Variants in CFAP47 observed in about 807,000 individuals in gnomAD.
The protein encoded by CFAP47 is cilia- and flagella-associated protein 47.
In CFAP47, 29 loss-of-function variants were observed where a neutral mutation model predicts 148.1. The ratio of observed to expected loss-of-function variants is 0.20; its 90% CI spans 0.15 to 0.27. The LOEUF (loss-of-function observed/expected upper bound fraction) is 0.27, where lower values mean the gene tolerates loss of function less well. Among genes scored for constraint, CFAP47 ranks in the 10% least tolerant of loss-of-function variants. CFAP47 has a pLI of 1.00. For missense variants in CFAP47, 1,872 were observed against 1,697.5 expected (o/e 1.10, Z -1.81); for synonymous variants, 664 against 577.3 (o/e 1.15, Z -2.15).
chrX:35,997,031 G>A (rs1936855475), intron 18 of CFAP47, among the ~76,000 whole-genome samples: 1 of 111,376 alleles, frequency 9.0e-6, no homozygotes, highest in African/African-American at 3.3e-5. Context: ...TGCAAGGAGT[G>A]GCAATAAAGT....
intron 61 of CFAP47, among the ~76,000 whole-genome samples, chrX:36,362,232 C>A (rs1314620583): frequency 1.8e-5 from 2 of 112,117 alleles, no homozygotes; most frequent in African/African-American, 6.5e-5. Context: ...GTTTTAGATA[C>A]AGGAAGTATA....
intron 57 of CFAP47, among the ~76,000 whole-genome samples, chrX:36,329,804 A>T (rs782042382): frequency 5.3e-4 from 59 of 111,505 alleles, no homozygotes; most frequent in Admixed American, 4.8e-4. Context: ...AACAAGGAGG[A>T]TATCAAAACT....
intron 56 of CFAP47, among the ~76,000 whole-genome samples, chrX:36,315,997 T>C (rs1941430489): frequency 9.0e-6 from 1 of 111,548 alleles, no homozygotes; most frequent in Admixed American, 9.6e-5. Flanking sequence ...TAAAATTGAT[T>C]AATGGAGAGG....
At chrX:36,261,853 C>T (rs1319557958) in intron 49 of CFAP47, among the ~76,000 whole-genome samples, 13 of 111,467 alleles carry the variant, frequency 1.2e-4, no homozygotes, top group East Asian at 2.9e-4. Flanking sequence ...ACCTCCCAGA[C>T]GGGGTGGTGG....
intron 39 of CFAP47, among the ~76,000 whole-genome samples, chrX:36,176,581 G>A (rs757644477): frequency 9.8e-5 from 11 of 111,984 alleles, no homozygotes; most frequent in Non-Finnish European, 1.9e-4. Flanking sequence ...TTAGAATCAC[G>A]TTGTTCTAGG....
intron 39 of CFAP47, among the ~76,000 whole-genome samples, chrX:36,161,102 T>C (rs1939425248): frequency 9.0e-6 from 1 of 111,038 alleles, no homozygotes. Flanking sequence ...CGCCTTGGTC[T>C]CCCAAAGTTC....
chrX:36,170,157 G>A (rs1227092152), intron 39 of CFAP47, among the ~76,000 whole-genome samples: 1 of 111,411 alleles, frequency 9.0e-6, no homozygotes, highest in African/African-American at 3.3e-5. Flanking sequence ...GTTTTTCTTG[G>A]ATAAACACTA....
At chrX:36,300,511 G>A (rs894520426) in intron 52 of CFAP47, among the ~76,000 whole-genome samples, 5 of 110,738 alleles carry the variant, frequency 4.5e-5, no homozygotes, top group Non-Finnish European at 9.5e-5. Context: ...GGCTGGTCTC[G>A]AACTCCTGAC....
intron 57 of CFAP47, among the ~76,000 whole-genome samples, chrX:36,345,224 A>C (rs188188078): frequency 2.5e-4 from 28 of 111,682 alleles, no homozygotes; most frequent in African/African-American, 8.4e-4. Flanking sequence ...ATTCATAAAA[A>C]CAAAGTTGAA....
At chrX:36,065,575 C>T (rs975649905) in intron 26 of CFAP47, 68 bp from the exon 27 acceptor site, 1 of 591,890 alleles carries the variant, frequency 1.7e-6, no homozygotes, top group Admixed American at 3.2e-5. Flanking sequence ...ATCTGGGATA[C>T]TTAAATGCAT....
intron 15 of CFAP47, among the ~76,000 whole-genome samples, chrX:35,984,686 T>A (rs1209651344): frequency 8.9e-6 from 1 of 112,118 alleles, no homozygotes; most frequent in Non-Finnish European, 1.9e-5. Context: ...AATTTTTGAT[T>A]TCTCCTTAAT....
intron 57 of CFAP47, among the ~76,000 whole-genome samples, chrX:36,344,014 G>C (rs1210233497): frequency 9.7e-6 from 1 of 102,735 alleles, no homozygotes; most frequent in Non-Finnish European, 2.0e-5. Context: ...TCTTAATCCA[G>C]TCTATCATTG....
intron 57 of CFAP47, among the ~76,000 whole-genome samples, chrX:36,332,142 A>G (rs1941569499): frequency 8.9e-6 from 1 of 112,026 alleles, no homozygotes; most frequent in Non-Finnish European, 1.9e-5. Flanking sequence ...TAATTAAAAT[A>G]TTTGATTACT....
At chrX:36,049,948 C>T (rs1937511393) in intron 26 of CFAP47, among the ~76,000 whole-genome samples, 2 of 111,366 alleles carry the variant, frequency 1.8e-5, no homozygotes, top group South Asian at 7.5e-4. Flanking sequence ...CTCATGAGAC[C>T]TGATGGTTTT....
At chrX:36,215,403 G>A (rs1376349634) in intron 45 of CFAP47, among the ~76,000 whole-genome samples, 1 of 110,963 alleles carries the variant, frequency 9.0e-6, no homozygotes, top group African/African-American at 3.3e-5. Flanking sequence ...CTCTACCAAG[G>A]CAAAAGGAGC....
At chrX:36,180,432 A>G (rs965280075) in intron 40 of CFAP47, among the ~76,000 whole-genome samples, 4 of 111,680 alleles carry the variant, frequency 3.6e-5, no homozygotes, top group African/African-American at 1.3e-4. Context: ...TTTTTAGTTT[A>G]TTTCACACCC....
intron 39 of CFAP47, among the ~76,000 whole-genome samples, chrX:36,173,093 G>A (rs1217325610): frequency 2.7e-5 from 3 of 111,442 alleles, no homozygotes; most frequent in East Asian, 5.6e-4. Flanking sequence ...GCGTAGAGGT[G>A]TTTGTAGTAT....
chrX:36,099,891 A>G lies in CFAP47; in HGVS notation c.5127+12A>G. 1 of 897,487 alleles carries G rather than the reference A, an allele frequency of 1.1e-6. No individual in the cohort carries two copies. Among genetic ancestry groups the G allele is most frequent in the Non-Finnish European group, 1.6e-6 (1 of 619,876 alleles). The allele number at this position is 897,487 out of a possible 1,213,427, so 74.0% of individuals were successfully genotyped here. A position where few individuals can be genotyped will look rare whatever the true frequency, so the allele number is the denominator to read the frequency against. On this transcript the variant is annotated intron_variant, in intron 32 of 63. Transcript: ENST00000378653. ...TACAGATATACAAGGTAACATTTCC[A>G]TTATTGTTCGCTGCTTCTCTGTTGA...
intron 21 of CFAP47, among the ~76,000 whole-genome samples, chrX:36,006,519 G>T (rs1188122788): frequency 8.9e-6 from 1 of 111,777 alleles, no homozygotes. Context: ...TTTATTGCTA[G>T]GTGTAAGTTG....
Sources: gnomAD v4.1 joint callset for allele counts (sites outside exome capture counted in the v4.1 genomes callset) on GRCh38, gnomAD v4.1.1 for gene constraint, MANE v1.5 for transcripts, NCBI Gene and HGNC (gene_info 2026-07-23, HGNC 2026-07-21) for gene names.